AK5: variants seen among roughly 807,000 people sequenced by gnomAD.
The protein encoded by AK5 is adenylate kinase isoenzyme 5.
AK5 carries 27 observed loss-of-function variants against 69.5 expected under a neutral mutation model. That is an observed-to-expected ratio of 0.39 (90% confidence interval 0.29 to 0.54). AK5 has a LOEUF of 0.54. Ranked by LOEUF, AK5 falls within the 20% of genes least tolerant of loss-of-function variation. The pLI is 0.71. For missense variants in AK5, 531 were observed against 700.4 expected, an observed-to-expected ratio of 0.76 and a Z score of 2.73; for synonymous variants, 260 against 244.4, an observed-to-expected ratio of 1.06 and a Z score of -0.60.
chr1:77,427,398 T>C (rs1354458945), intron 8 of AK5, among the ~76,000 whole-genome samples: 1 of 152,074 alleles, frequency 6.6e-6, no homozygotes, highest in Non-Finnish European at 1.5e-5. Context: ...TGATATGAAA[T>C]GGACCAATTC....
At chr1:77,537,200 G>C in intron 13 of AK5, among the ~76,000 whole-genome samples, 1 of 152,180 alleles carries the variant, frequency 6.6e-6, no homozygotes, top group East Asian at 1.9e-4. Context: ...AAGGTGGCCT[G>C]AGGAGGACTC....
chr1:77,311,523 A>G (rs1317573074), intron 5 of AK5, among the ~76,000 whole-genome samples: 1 of 152,170 alleles, frequency 6.6e-6, no homozygotes, highest in Non-Finnish European at 1.5e-5. Context: ...ATTAAATGAT[A>G]TAAAATATCT....
chr1:77,294,430 A>C (rs1658872154), intron 3 of AK5, among the ~76,000 whole-genome samples: 1 of 152,022 alleles, frequency 6.6e-6, no homozygotes, highest in South Asian at 2.1e-4. Context: ...AAGTTTTCTA[A>C]ACATGATGTG....
At chr1:77,469,787 C>T (rs982786698) in intron 8 of AK5, among the ~76,000 whole-genome samples, 1 of 152,216 alleles carries the variant, frequency 6.6e-6, no homozygotes, top group African/African-American at 2.4e-5. Context: ...TGAAGCATAG[C>T]CGTGGAACTA....
chr1:77,439,731 A>G (rs1268315867), intron 8 of AK5, among the ~76,000 whole-genome samples: 1 of 149,560 alleles, frequency 6.7e-6, no homozygotes, highest in East Asian at 1.9e-4. Flanking sequence ...GACAGTATTT[A>G]TATAAAATTT....
chr1:77,439,502 T>C (rs928655769), intron 8 of AK5, among the ~76,000 whole-genome samples: 7 of 152,116 alleles, frequency 4.6e-5, no homozygotes, highest in African/African-American at 1.7e-4. Context: ...TTATTCTTTT[T>C]ATCTAACTGC....
At chr1:77,490,939 G>A (rs1246730895) in intron 10 of AK5, among the ~76,000 whole-genome samples, 1 of 152,012 alleles carries the variant, frequency 6.6e-6, no homozygotes, top group Non-Finnish European at 1.5e-5. Flanking sequence ...GGGTAGAAGT[G>A]CTCCAATTTG....
chr1:77,411,039 A>G lies in AK5; in HGVS notation c.950A>G (p.Asn317Ser), dbSNP rs764264023. The G allele has an allele frequency of 6.2e-7, 1 of 1,613,860 alleles. No individual in the cohort carries two copies. The highest frequency in any genetic ancestry group is 8.5e-7 in the Non-Finnish European group (1 of 1,179,896). The change falls in exon 7 of 14, where the codon AAC becomes AGC. Residue 317 changes from asparagine to serine, a missense_variant. Asn to Ser is a conservative substitution (Grantham distance 46). Transcript: ENST00000354567. ...TATGACATCAGCATGGCAGTTGACA[A>G]CAAGTTATTTCCAAACAAAGAGGCT... ...VFYDISMAVD[N>S]KLFPNKEAAA...
At chr1:77,481,720 C>T (rs933403553) in intron 8 of AK5, among the ~76,000 whole-genome samples, 3 of 152,178 alleles carry the variant, frequency 2.0e-5, no homozygotes, top group African/African-American at 7.2e-5. Context: ...ATGGTACAAC[C>T]TCTGTGGGGA....
At chr1:77,431,367 G>T (rs192203892) in intron 8 of AK5, among the ~76,000 whole-genome samples, 14 of 152,298 alleles carry the variant, frequency 9.2e-5, no homozygotes, top group African/African-American at 3.4e-4. Context: ...TTAGGTGCCA[G>T]ACACTCTTAT....
At chr1:77,437,144 A>T (rs1318664669) in intron 8 of AK5, among the ~76,000 whole-genome samples, 1 of 152,138 alleles carries the variant, frequency 6.6e-6, no homozygotes, top group Non-Finnish European at 1.5e-5. Flanking sequence ...TTTATCAACA[A>T]TTTTAAAATC....
At chr1:77,507,718 A>G (rs1037965523) in intron 10 of AK5, among the ~76,000 whole-genome samples, 1 of 152,230 alleles carries the variant, frequency 6.6e-6, no homozygotes, top group Non-Finnish European at 1.5e-5. Flanking sequence ...TAGCATTATT[A>G]CGTTGTAAAT....
At chr1:77,550,915 A>G (rs1570355042) in intron 13 of AK5, among the ~76,000 whole-genome samples, 1 of 152,292 alleles carries the variant, frequency 6.6e-6, no homozygotes, top group East Asian at 1.9e-4. Flanking sequence ...AGTGGCTCCC[A>G]CCTGTAATTC....
intron 13 of AK5, among the ~76,000 whole-genome samples, chr1:77,542,300 A>G (rs1659320107): frequency 6.6e-6 from 1 of 152,140 alleles, no homozygotes; most frequent in Non-Finnish European, 1.5e-5. Flanking sequence ...TCTGGCCTGG[A>G]TGACAAAACG....
intron 6 of AK5, among the ~76,000 whole-genome samples, chr1:77,356,984 G>T (rs186813284): frequency 6.6e-6 from 1 of 152,226 alleles, no homozygotes; most frequent in African/African-American, 2.4e-5. Context: ...AAGCTCTTGT[G>T]TTGATTTTTT....
intron 6 of AK5, among the ~76,000 whole-genome samples, chr1:77,385,250 C>G (rs1346788578): frequency 6.6e-6 from 1 of 152,146 alleles, no homozygotes; most frequent in Non-Finnish European, 1.5e-5. Flanking sequence ...AGCTCCGCCT[C>G]CCGGGTTCAC....
At chr1:77,470,516 A>C (rs1654396045) in intron 8 of AK5, among the ~76,000 whole-genome samples, 1 of 152,064 alleles carries the variant, frequency 6.6e-6, no homozygotes, top group African/African-American at 2.4e-5. Flanking sequence ...AATAATAATA[A>C]TATTAGTAAC....
chr1:77,377,065 C>T (rs180975380), intron 6 of AK5, among the ~76,000 whole-genome samples: 1 of 152,314 alleles, frequency 6.6e-6, no homozygotes, highest in African/African-American at 2.4e-5. Flanking sequence ...TTTGCCCCAG[C>T]AGTACGAAGC....
chr1:77,461,139 T>C (rs932119221), intron 8 of AK5, among the ~76,000 whole-genome samples: 5 of 151,440 alleles, frequency 3.3e-5, no homozygotes, highest in African/African-American at 4.9e-5. Flanking sequence ...GTTCACACCA[T>C]TCTCCTGCCT....
Sources: allele counts gnomAD v4.1 joint callset (sites outside exome capture counted in the v4.1 genomes callset), GRCh38; gene constraint gnomAD v4.1.1; transcripts MANE v1.5; gene names NCBI Gene and HGNC (gene_info 2026-07-23, HGNC 2026-07-21).